ZCCHC14: variants seen among roughly 807,000 people sequenced by gnomAD.
The protein encoded by ZCCHC14 is zinc finger CCHC-type containing 14.
Under a neutral mutation model 85.0 loss-of-function variants are expected in ZCCHC14, and 16 were observed. The ratio of observed to expected loss-of-function variants is 0.19; its 90% CI spans 0.13 to 0.29. The LOEUF (loss-of-function observed/expected upper bound fraction) is 0.29. Ranked by LOEUF, ZCCHC14 falls within the 10% of genes least tolerant of loss-of-function variation. ZCCHC14 has a pLI of 1.00. For missense variants in ZCCHC14, 1,303 were observed against 1,443.5 expected (o/e 0.90, Z 1.58); for synonymous variants, 775 against 630.7 (o/e 1.23, Z -3.43).
intron 1 of ZCCHC14, among the ~76,000 whole-genome samples, chr16:87,476,987 T>C (rs1350359248): frequency 2.6e-5 from 4 of 151,436 alleles, no homozygotes; most frequent in East Asian, 1.9e-4. Flanking sequence ...TAGCCGGGCA[T>C]GGTGGTGCGT....
intron 2 of ZCCHC14, among the ~76,000 whole-genome samples, chr16:87,445,676 G>A (rs544512274): frequency 1.3e-5 from 2 of 152,080 alleles, no homozygotes; most frequent in Non-Finnish European, 2.9e-5. Context: ...GGGCTCAGCC[G>A]CTACGACTAT....
chr16:87,478,306 G>C lies in ZCCHC14; in HGVS notation c.570+13363C>G, dbSNP rs548223179. Among the ~76,000 whole-genome samples, 108 of 152,304 alleles carry C rather than the reference G, an allele frequency of 7.1e-4. 1 individual carries two copies. Among genetic ancestry groups the C allele is most frequent in the African/African-American group, 2.5e-3 (103 of 41,582 alleles). ...AAGGAAGCCAACAGATAATAAGCCAGCAAGAATTCCATGATTCTGCTTAAA... is the reference window on the plus strand; with the variant it reads ...AAGGAAGCCAACAGATAATAAGCCACCAAGAATTCCATGATTCTGCTTAAA... On this transcript the variant is annotated intron_variant, in intron 1 of 12. Coordinates refer to ENST00000671377, the MANE Select transcript of ZCCHC14 (RefSeq NM_015144.3).
chr16:87,433,619 T>C (rs1909769855), intron 2 of ZCCHC14, among the ~76,000 whole-genome samples: 1 of 152,176 alleles, frequency 6.6e-6, no homozygotes, highest in Non-Finnish European at 1.5e-5. Flanking sequence ...AAGACAATAT[T>C]TCCCCAAGAA....
In ZCCHC14 at chr16:87,474,327, C is replaced by T. The variant is rs148839447; in HGVS notation, c.571-14196G>A. 799 of 152,454 alleles carry T rather than the reference C, an allele frequency of 5.2e-3. 4 individuals are homozygous for T. Among genetic ancestry groups the T allele is most frequent in the African/African-American group, 0.018 (755 of 41,548 alleles). 9.4% of individuals were successfully genotyped at this position (152,454 alleles called of 1,614,324 possible). A position where few individuals can be genotyped will look rare whatever the true frequency, so the allele number is the denominator to read the frequency against. ...CACTGGGCCATGCTAGCCTTCTCTC[C>T]GCACAGCACCTCATCCTTTTAACAG... On this transcript the variant is annotated intron_variant, in intron 1 of 12. Coordinates refer to ENST00000671377, the MANE Select transcript of ZCCHC14 (RefSeq NM_015144.3).
In ZCCHC14 at chr16:87,406,249, C is replaced by G. The variant is rs921799606; in HGVS notation, c.*4031G>C. On this transcript the variant is annotated 3_prime_UTR_variant, in exon 13 of 13. Coordinates refer to ENST00000671377, the MANE Select transcript of ZCCHC14 (RefSeq NM_015144.3). ...ACAAAGACCTAGTGAAATAAAACAG[C>G]CTTTTTTAAAATTTTTATTTTCAGT... 5.9e-5 allele frequency: 9 copies of G among 152,354 alleles called. No homozygotes were observed. The highest frequency in any genetic ancestry group is 9.7e-5 in the African/African-American group (4 of 41,400). The allele number at this position is 152,354 out of a possible 1,614,324, so 9.4% of individuals were successfully genotyped here. A position where few individuals can be genotyped will look rare whatever the true frequency, so the allele number is the denominator to read the frequency against.
At chr16:87,444,625 T>C (rs1258635488) in intron 2 of ZCCHC14, among the ~76,000 whole-genome samples, 1 of 152,220 alleles carries the variant, frequency 6.6e-6, no homozygotes, top group African/African-American at 2.4e-5. Context: ...GCGTAGCATG[T>C]TCCTGGCAAA....
At chr16:87,452,057 G>A (rs1050575704) in intron 2 of ZCCHC14, among the ~76,000 whole-genome samples, 15 of 152,246 alleles carry the variant, frequency 9.9e-5, no homozygotes, top group African/African-American at 1.4e-4. Context: ...AAGCAGGGGC[G>A]TGCAGTGACG....
intron 1 of ZCCHC14, among the ~76,000 whole-genome samples, chr16:87,488,990 G>T (rs1407921734): frequency 2.6e-5 from 4 of 152,166 alleles, no homozygotes; most frequent in African/African-American, 4.8e-5. Flanking sequence ...AAATACAACA[G>T]CTTACAAAAG....
chr16:87,446,122 G>A (rs1230504558), intron 2 of ZCCHC14, among the ~76,000 whole-genome samples: 4 of 148,318 alleles, frequency 2.7e-5, no homozygotes, highest in Admixed American at 2.1e-4. Flanking sequence ...AGCCAAGATC[G>A]CGCCATTGCA....
intron 2 of ZCCHC14, among the ~76,000 whole-genome samples, chr16:87,439,948 T>C (rs867302122): frequency 1.2e-4 from 18 of 152,200 alleles, no homozygotes; most frequent in Non-Finnish European, 2.2e-4. Context: ...TCCCACACAA[T>C]TTTATGCTGC....
chr16:87,427,934 C>G (rs1322699536), intron 3 of ZCCHC14, among the ~76,000 whole-genome samples: 1 of 130,766 alleles, frequency 7.6e-6, no homozygotes, highest in Non-Finnish European at 1.6e-5. Context: ...CACCTGGCCT[C>G]TATGATTTTT....
intron 2 of ZCCHC14, among the ~76,000 whole-genome samples, chr16:87,441,804 C>T (rs376288710): frequency 5.9e-5 from 9 of 152,172 alleles, no homozygotes; most frequent in African/African-American, 1.9e-4. Flanking sequence ...TTCAGGGAAA[C>T]TGAACTAAAG....
rs541539726 is a variant in ZCCHC14, at chr16:87,422,116, G to C, written c.841-1400C>G. ...AACAAGCGGGAACTTTCATGAACAC[G>C]TTTCAGCAGAGAGATGGAAACTTCA... On this transcript the variant is annotated intron_variant, in intron 4 of 12. Coordinates refer to ENST00000671377, the MANE Select transcript of ZCCHC14 (RefSeq NM_015144.3). Among the ~76,000 whole-genome samples, 6 of 152,286 alleles carry C rather than the reference G, an allele frequency of 3.9e-5. No individual in the cohort carries two copies. In the South Asian group the frequency reaches 1.2e-3, roughly 32 times the overall value.
chr16:87,456,533 C>CAAAAAAAAAA lies in ZCCHC14; in HGVS notation c.694+3465_694+3474dup, dbSNP rs60817141. 5.5e-4 allele frequency among the ~76,000 whole-genome samples: 35 copies of CAAAAAAAAAA among 63,370 alleles called. 1 individual carries two copies. Among genetic ancestry groups the CAAAAAAAAAA allele is most frequent in the East Asian group, 2.9e-3 (7 of 2,428 alleles). 41.6% of individuals were successfully genotyped at this position (63,370 alleles called of 152,430 possible). ...GGGCGACAGAGCAAGACTCTGTCTC[C>CAAAAAAAAAA]AAAAAAAAAAAAAAAAAAAAAAAAA... On this transcript the variant is annotated intron_variant, in intron 2 of 12. Transcript: ENST00000671377.
intron 2 of ZCCHC14, among the ~76,000 whole-genome samples, chr16:87,456,879 A>G (rs1373257165): frequency 6.6e-6 from 1 of 152,264 alleles, no homozygotes; most frequent in African/African-American, 2.4e-5. Context: ...AACAAGTTTA[A>G]TGAAAGTATA....
At chr16:87,476,798 C>T (rs1247786537) in intron 1 of ZCCHC14, among the ~76,000 whole-genome samples, 1 of 151,836 alleles carries the variant, frequency 6.6e-6, no homozygotes, top group Non-Finnish European at 1.5e-5. Context: ...GGTCATACCG[C>T]ACAAACCCGC....
intron 2 of ZCCHC14, among the ~76,000 whole-genome samples, chr16:87,434,969 C>A (rs1486223122): frequency 2.8e-5 from 3 of 105,280 alleles, no homozygotes; most frequent in Non-Finnish European, 5.3e-5. Context: ...CCAGCCTGGG[C>A]AACAAAGTGA....
intron 2 of ZCCHC14, among the ~76,000 whole-genome samples, chr16:87,459,311 G>C (rs1911137433): frequency 1.3e-5 from 2 of 151,936 alleles, no homozygotes; most frequent in African/African-American, 4.8e-5. Context: ...ATTTCCATGT[G>C]GGGTGGGGAG....
In ZCCHC14 at chr16:87,409,125, A is replaced by C. The variant is rs1375886906; in HGVS notation, c.*1155T>G. The C allele has an allele frequency of 6.6e-6, 1 of 152,384 alleles. No individual in the cohort carries two copies. Among genetic ancestry groups the C allele is most frequent in the Non-Finnish European group, 1.5e-5 (1 of 68,046 alleles). The allele number at this position is 152,384 out of a possible 1,614,324, so 9.4% of individuals were successfully genotyped here. A position where few individuals can be genotyped will look rare whatever the true frequency, so the allele number is the denominator to read the frequency against. On this transcript the variant is annotated 3_prime_UTR_variant, in exon 13 of 13. Coordinates refer to ENST00000671377, the MANE Select transcript of ZCCHC14 (RefSeq NM_015144.3). ...GGTGTGTGGCCTCTTCCAGAGTCCT[A>C]CCACTTCCCACTGTTTTCCAAGTAA...
Sources: allele counts gnomAD v4.1 joint callset (sites outside exome capture counted in the v4.1 genomes callset), GRCh38; gene constraint gnomAD v4.1.1; transcripts MANE v1.5; gene names NCBI Gene and HGNC (gene_info 2026-07-23, HGNC 2026-07-21).